The following FAM3C variants were observed in gnomAD, a reference collection of about 807,000 sequenced individuals.
FAM3C encodes protein FAM3C.
A neutral mutation model predicts 32.5 loss-of-function variants in FAM3C; 15 were observed. That is an observed-to-expected ratio of 0.46 (90% CI 0.31 to 0.71). The LOEUF is 0.71. Ranked by LOEUF, FAM3C falls within the 30% of genes least tolerant of loss-of-function variation. The probability of loss-of-function intolerance (pLI) is 0.05; values close to 1 mark genes in which losing one functional copy is unlikely to be tolerated. For missense variants in FAM3C, 175 were observed against 274.4 expected, an observed-to-expected ratio of 0.64 and a Z score of 2.56; for synonymous variants, 75 against 86.1, an observed-to-expected ratio of 0.87 and a Z score of 0.72.
intron 2 of FAM3C, among the ~76,000 whole-genome samples, chr7:121,381,168 A>G (rs1022339272): frequency 1.3e-5 from 2 of 152,164 alleles, no homozygotes; most frequent in Admixed American, 6.5e-5. Flanking sequence ...TTAGCTTTCC[A>G]TAAGATTCCC....
At chr7:121,352,885 C>T (rs977147564) in intron 8 of FAM3C, among the ~76,000 whole-genome samples, 4 of 152,142 alleles carry the variant, frequency 2.6e-5, no homozygotes, top group Non-Finnish European at 4.4e-5. Flanking sequence ...TTTCTAACTA[C>T]CTTATGGAAG....
intron 8 of FAM3C, among the ~76,000 whole-genome samples, chr7:121,359,612 T>C (rs577525063): frequency 6.6e-5 from 10 of 152,042 alleles, no homozygotes; most frequent in African/African-American, 2.4e-4. Flanking sequence ...GTTATAAAAC[T>C]ACTATATATT....
intron 8 of FAM3C, among the ~76,000 whole-genome samples, chr7:121,359,100 G>A (rs1421506553): frequency 1.3e-5 from 2 of 151,398 alleles, no homozygotes; most frequent in Non-Finnish European, 3.0e-5. Flanking sequence ...TGGTGCCATG[G>A]AACTTCTGAG....
intron 7 of FAM3C, among the ~76,000 whole-genome samples, chr7:121,361,928 C>T (rs143799077): frequency 2.6e-5 from 4 of 152,178 alleles, no homozygotes; most frequent in Middle Eastern, 3.2e-3. Context: ...CTGCCTGCCT[C>T]GGCCTCCCGA....
chr7:121,351,028 T>A, intron 9 of FAM3C, 115 bp downstream of exon 9: 2 of 938,966 alleles, frequency 2.1e-6, no homozygotes. Flanking sequence ...ATGACAAATA[T>A]ATGATCATAT....
chr7:121,360,885 T>C (rs1430982507), intron 7 of FAM3C, among the ~76,000 whole-genome samples: 1 of 152,078 alleles, frequency 6.6e-6, no homozygotes, highest in Admixed American at 6.6e-5. Flanking sequence ...ATAACAATGT[T>C]TGTATGGGTA....
At chr7:121,367,367 T>C (rs1375051692) in intron 5 of FAM3C, among the ~76,000 whole-genome samples, 1 of 152,206 alleles carries the variant, frequency 6.6e-6, no homozygotes, top group Non-Finnish European at 1.5e-5. Flanking sequence ...AGCCAAATCC[T>C]GCCAACTGGT....
At chr7:121,395,925 C>T (rs1794684553) in intron 1 of FAM3C, among the ~76,000 whole-genome samples, 1 of 151,666 alleles carries the variant, frequency 6.6e-6, no homozygotes, top group Admixed American at 6.6e-5. Context: ...CGGGGATGCC[C>T]ACGCCGGGGC....
rs188734695 is a variant in FAM3C, at chr7:121,373,818, C to T, written c.119-1679G>A. On this transcript the variant is annotated intron_variant, in intron 3 of 9. Transcript: ENST00000359943. ...CGGGTGGATCATGAGGTCAGGAGAT[C>T]GAGACCATCCTGGCTAACACGGTGA... Among the ~76,000 whole-genome samples the T allele has an allele frequency of 3.7e-3, 563 of 151,392 alleles. 2 individuals carry two copies. The highest frequency in any genetic ancestry group is 0.013 in the African/African-American group (548 of 41,236).
At chr7:121,375,247 G>A (rs1330250756) in intron 3 of FAM3C, among the ~76,000 whole-genome samples, 2 of 152,198 alleles carry the variant, frequency 1.3e-5, no homozygotes, top group African/African-American at 4.8e-5. Flanking sequence ...CAAAGAAGGG[G>A]AATTTATGCA....
chr7:121,383,764 A>G (rs953999033), intron 1 of FAM3C, among the ~76,000 whole-genome samples: 1 of 152,182 alleles, frequency 6.6e-6, no homozygotes, highest in Non-Finnish European at 1.5e-5. Context: ...AATAGGTGAC[A>G]TTTTGAAAAG....
intron 5 of FAM3C, among the ~76,000 whole-genome samples, chr7:121,365,013 C>T (rs1793998222): frequency 6.6e-6 from 1 of 152,112 alleles, no homozygotes; most frequent in Admixed American, 6.5e-5. Context: ...GCAATATGCA[C>T]ATATGTGACT....
At chr7:121,389,839 A>C (rs1794541046) in intron 1 of FAM3C, among the ~76,000 whole-genome samples, 1 of 152,176 alleles carries the variant, frequency 6.6e-6, no homozygotes, top group Non-Finnish European at 1.5e-5. Context: ...CAAAACAGGA[A>C]TCACTGAAGT....
chr7:121,377,712 T>C (rs1417658930), intron 3 of FAM3C, among the ~76,000 whole-genome samples: 1 of 152,228 alleles, frequency 6.6e-6, no homozygotes, highest in Non-Finnish European at 1.5e-5. Flanking sequence ...ATTATAGTAC[T>C]ATGTTTTTAC....
intron 5 of FAM3C, among the ~76,000 whole-genome samples, chr7:121,368,829 T>A (rs555986506): frequency 1.3e-5 from 2 of 151,846 alleles, no homozygotes; most frequent in African/African-American, 4.8e-5. Context: ...AGAATACACA[T>A]CACTGTCTTA....
chr7:121,367,419 T>C (rs1219246659), intron 5 of FAM3C, among the ~76,000 whole-genome samples: 1 of 152,246 alleles, frequency 6.6e-6, no homozygotes, highest in Non-Finnish European at 1.5e-5. Flanking sequence ...GAATAGTTTT[T>C]ACATTTTTAA....
intron 6 of FAM3C, 53 bp from the exon 7 acceptor site, chr7:121,363,000 T>G: frequency 2.5e-6 from 2 of 814,418 alleles, no homozygotes; most frequent in Non-Finnish European, 4.1e-6. Flanking sequence ...TATCATACAC[T>G]GTAAGACCAA....
At position 121,350,410 on chromosome 7, in the gene FAM3C, T is replaced by C. The variant is rs1489308927; in HGVS notation, c.*51A>G. Reference sequence around the variant, plus strand: ...TACACATAGCTCTGCCATTTATAGCTCTCCCATTAAGAGTGAAAGTGCGCT... The same window carrying C: ...TACACATAGCTCTGCCATTTATAGCCCTCCCATTAAGAGTGAAAGTGCGCT... On this transcript the variant is annotated 3_prime_UTR_variant, in exon 10 of 10. Transcript: ENST00000359943. The C allele has an allele frequency of 6.2e-7, 1 of 1,609,354 alleles. No homozygotes were observed. The highest frequency in any genetic ancestry group is 1.3e-5 in the African/African-American group (1 of 74,698).
intron 8 of FAM3C, 148 bp from the exon 9 acceptor site, chr7:121,351,417 T>G: frequency 1.6e-6 from 1 of 631,836 alleles, no homozygotes; most frequent in Non-Finnish European, 2.4e-6. Flanking sequence ...CAGAGTTACA[T>G]TTCTACTGGT....
Sources: gnomAD v4.1 joint callset for allele counts (sites outside exome capture counted in the v4.1 genomes callset) on GRCh38, gnomAD v4.1.1 for gene constraint, MANE v1.5 for transcripts, NCBI Gene and HGNC (gene_info 2026-07-23, HGNC 2026-07-21) for gene names.